SDK2: variants seen among roughly 807,000 people sequenced by gnomAD.
SDK2 encodes protein sidekick-2.
Under a neutral mutation model 253.9 loss-of-function variants are expected in SDK2, and 105 were observed. The ratio of observed to expected loss-of-function variants is 0.41; its 90% CI spans 0.35 to 0.49. The LOEUF is 0.49. Ranked by LOEUF, SDK2 falls within the 20% of genes least tolerant of loss-of-function variation. The probability of loss-of-function intolerance (pLI) is 0.06; values close to 1 mark genes in which losing one functional copy is unlikely to be tolerated. For synonymous variants in SDK2, 1,249 were observed against 1,234.9 expected, an observed-to-expected ratio of 1.01 and a Z score of -0.24; for missense variants, 2,608 against 3,003.0, an observed-to-expected ratio of 0.87 and a Z score of 3.07.
rs143950228 is a variant in SDK2, at chr17:73,401,131, G to A, written c.2860C>T (p.Arg954Cys). ...HYLPNVTLEY[R>C]VTGLTALTTY... The stretch of plus-strand genomic sequence containing the variant: ...GTGAGCGCGGTGAGGCCCGTGACAC[G>A]GTACTCCAGGGTCACGTTGGGCAGG... Residue 954 changes from arginine to cysteine, a missense_variant, in exon 21 of 45, where the codon CGT (arginine) becomes TGT (cysteine). Transcript: ENST00000392650. 6.7e-5 allele frequency: 104 copies of A among 1,561,466 alleles called. No homozygotes were observed. The highest frequency in any genetic ancestry group is 5.7e-4 in the African/African-American group (42 of 73,630).
At position 73,361,588 on chromosome 17, in the gene SDK2, C is replaced by G; in HGVS notation, c.5467+96G>C. ...GTGAGCTCTGTCCTCCACTCTGTTTCCAGGGTCCAGCACAGCTCTTGACAC... is the reference window on the plus strand; with the variant it reads ...GTGAGCTCTGTCCTCCACTCTGTTTGCAGGGTCCAGCACAGCTCTTGACAC... On this transcript the variant is annotated intron_variant, in intron 39 of 44. Transcript: ENST00000392650. The surrounding 1 kb of genome is among the most constrained non-coding windows in gnomAD (Gnocchi z 4.1). The G allele has an allele frequency of 7.8e-7, 1 of 1,281,584 alleles. No homozygotes were observed. The highest frequency in any genetic ancestry group is 1.1e-6 in the Non-Finnish European group (1 of 918,596). 79.4% of individuals were successfully genotyped at this position (1,281,584 alleles called of 1,614,324 possible). A position where few individuals can be genotyped will look rare whatever the true frequency, so the allele number is the denominator to read the frequency against.
rs938880078 is a variant in SDK2, at chr17:73,379,334, C to T, written c.4865-42G>A. 5.8e-6 allele frequency: 6 copies of T among 1,028,940 alleles called. No homozygotes were observed. In the African/African-American group the frequency reaches 6.6e-5, roughly 11 times the overall value. The allele number at this position is 1,028,940 out of a possible 1,614,324, so 63.7% of individuals were successfully genotyped here. On this transcript the variant is annotated intron_variant, in intron 35 of 44. Coordinates refer to ENST00000392650, the MANE Select transcript of SDK2 (RefSeq NM_001144952.2). This position sits in a 1 kb window ranked among gnomAD's most constrained non-coding sequence, Gnocchi z 4.5. The stretch of plus-strand genomic sequence containing the variant: ...GTAGGCAGTGAGCATGCGAGTAAAC[C>T]TGGGAGGGGAGGTGGGCTGGGCGGG...
Position 73,394,314 on chromosome 17 carries a change from G to T in SDK2, c.3603C>A (p.Ser1201=). 6.3e-7 allele frequency: 1 copy of T among 1,580,086 alleles called. No individual in the cohort carries two copies. Among genetic ancestry groups the T allele is most frequent in the Non-Finnish European group, 8.6e-7 (1 of 1,159,524 alleles). The change falls in exon 26 of 45, where the codon TCC becomes TCA. Residue 1201 remains serine, a synonymous_variant. Transcript: ENST00000392650. ...VGRTRESVPS[S]GPTNVSALAT... The stretch of plus-strand genomic sequence containing the variant: ...CCAGTGCAGACACATTGGTGGGGCC[G>T]GAAGAGGGAACTGTGGGGGAAAGGG...
At position 73,443,432 on chromosome 17, in the gene SDK2, G is replaced by A. The variant is rs534079496; in HGVS notation, c.614-2509C>T. The stretch of plus-strand genomic sequence containing the variant: ...TAAGTTGTTTATTACATGCGGGGGC[G>A]CGCAGGTACCACGGCTCAGATTAAT... On this transcript the variant is annotated intron_variant, in intron 5 of 44. Transcript: ENST00000392650. This position sits in a 1 kb window ranked among gnomAD's most constrained non-coding sequence, Gnocchi z 4.6. 5.9e-5 allele frequency among the ~76,000 whole-genome samples: 9 copies of A among 152,312 alleles called. No homozygotes were observed. In the Middle Eastern group the frequency reaches 0.01, roughly 173 times the overall value.
chr17:73,444,491 C>T (rs903785754), intron 5 of SDK2, among the ~76,000 whole-genome samples: 4 of 152,168 alleles, frequency 2.6e-5, no homozygotes, highest in African/African-American at 4.8e-5. Context: ...AGGAAGTGTA[C>T]GGGGCTCCCC....
chr17:73,637,665 G>T (rs8070636), intron 1 of SDK2, among the ~76,000 whole-genome samples: 1 of 152,206 alleles, frequency 6.6e-6, no homozygotes, highest in Non-Finnish European at 1.5e-5. Flanking sequence ...ATGAGCCACC[G>T]CGCCTGGAGG....
In SDK2 at chr17:73,643,957, T is replaced by TGCCCCCCCCCCC; in HGVS notation, c.64+67_64+68insGGGGGGGGGGGC. On this transcript the variant is annotated intron_variant, in intron 1 of 44. Transcript: ENST00000392650. The surrounding 1 kb of genome is among the most constrained non-coding windows in gnomAD (Gnocchi z 6.9). ...GGAGGTCACCGTGAGGCCGGCCAGC[T>TGCCCCCCCCCCC]CCCGCCGCCCCTCCCCCGCCCACTC... The TGCCCCCCCCCCC allele has an allele frequency of 2.0e-6, 2 of 1,019,994 alleles. No individual in the cohort carries two copies. The highest frequency in any genetic ancestry group is 3.0e-6 in the Non-Finnish European group (2 of 674,880). The allele number at this position is 1,019,994 out of a possible 1,614,324, so 63.2% of individuals were successfully genotyped here.
At position 73,643,966 on chromosome 17, in the gene SDK2, C is replaced by A; in HGVS notation, c.64+59G>T. 1.2e-6 allele frequency: 1 copy of A among 868,716 alleles called. No individual in the cohort carries two copies. Among genetic ancestry groups the A allele is most frequent in the South Asian group, 1.4e-5 (1 of 69,080 alleles). The allele number at this position is 868,716 out of a possible 1,614,324, so 53.8% of individuals were successfully genotyped here. ...CGTGAGGCCGGCCAGCTCCCGCCGC[C>A]CCTCCCCCGCCCACTCTCCCAGCCC... On this transcript the variant is annotated intron_variant, in intron 1 of 44. Transcript: ENST00000392650. This position sits in a 1 kb window ranked among gnomAD's most constrained non-coding sequence, Gnocchi z 6.9.
intron 1 of SDK2, among the ~76,000 whole-genome samples, chr17:73,641,378 T>G (rs2046396316): frequency 2.6e-5 from 4 of 152,218 alleles, no homozygotes; most frequent in Non-Finnish European, 5.9e-5. Context: ...GCTAAGAGCC[T>G]TGCAGAAGGC....
chr17:73,368,381 C>G, intron 37 of SDK2, 26 bp downstream of exon 37: 1 of 1,463,160 alleles, frequency 6.8e-7, no homozygotes, highest in Non-Finnish European at 9.1e-7. Context: ...ACCTACCCCT[C>G]CCCTCCTCAG....
At chr17:73,369,868 T>A (rs967984513) in intron 36 of SDK2, among the ~76,000 whole-genome samples, 4 of 152,152 alleles carry the variant, frequency 2.6e-5, no homozygotes, top group African/African-American at 7.2e-5. Flanking sequence ...ATGGTCTAGA[T>A]CTCCTGACCT....
At chr17:73,368,110 G>C (rs2062700889) in intron 37 of SDK2, among the ~76,000 whole-genome samples, 1 of 152,148 alleles carries the variant, frequency 6.6e-6, no homozygotes, top group South Asian at 2.1e-4. Context: ...GCAGAAGTAG[G>C]CTGGCTGGGA....
At chr17:73,598,108 A>C (rs1038920937) in intron 1 of SDK2, among the ~76,000 whole-genome samples, 1 of 150,866 alleles carries the variant, frequency 6.6e-6, no homozygotes, top group African/African-American at 2.4e-5. Context: ...TTTCCATCCC[A>C]TCTCCCCAGG....
At chr17:73,531,242 C>T (rs1351330209) in intron 1 of SDK2, among the ~76,000 whole-genome samples, 1 of 152,232 alleles carries the variant, frequency 6.6e-6, no homozygotes, top group East Asian at 1.9e-4. Flanking sequence ...TGACCTCCAA[C>T]ATGCTCAAAA....
intron 1 of SDK2, among the ~76,000 whole-genome samples, chr17:73,575,673 C>A (rs2145874351): frequency 6.6e-6 from 1 of 152,336 alleles, no homozygotes; most frequent in East Asian, 1.9e-4. Flanking sequence ...TTGCGTCTGG[C>A]ACTTGGCAAG....
chr17:73,439,386 G>A (rs1404744230), intron 6 of SDK2, among the ~76,000 whole-genome samples: 3 of 152,146 alleles, frequency 2.0e-5, no homozygotes, highest in African/African-American at 7.2e-5. Context: ...AACTTGGGAT[G>A]GGAGGAGCAT....
intron 36 of SDK2, among the ~76,000 whole-genome samples, chr17:73,377,282 G>A (rs1358790255): frequency 2.7e-5 from 4 of 149,522 alleles, no homozygotes; most frequent in African/African-American, 5.0e-5. Flanking sequence ...GCAGTGACAC[G>A]GTCTTGGCTC....
At position 73,379,187 on chromosome 17, in the gene SDK2, T is replaced by C; in HGVS notation, c.4970A>G (p.Gln1657Arg). 1 of 1,556,690 alleles carries C rather than the reference T, an allele frequency of 6.4e-7. No homozygotes were observed. The highest frequency in any genetic ancestry group is 8.7e-7 in the Non-Finnish European group (1 of 1,149,514). ...CCGAGGGCACCCTACCTTGTACCCC[T>C]GGATGTCTCCATTCTGGCTGTCCAG... ...PPLDSQNGDI[Q>R]GYKIYFWEAQ... The change falls in exon 36 of 45, where the codon CAG (glutamine) becomes CGG (arginine). Residue 1657 changes from glutamine (Q) to arginine (R), a missense_variant. Coordinates refer to ENST00000392650, the MANE Select transcript of SDK2 (RefSeq NM_001144952.2). This position sits in a 1 kb window ranked among gnomAD's most constrained non-coding sequence, Gnocchi z 4.5.
chr17:73,482,806 C>T (rs1019697694), intron 2 of SDK2, among the ~76,000 whole-genome samples: 1 of 152,258 alleles, frequency 6.6e-6, no homozygotes, highest in African/African-American at 2.4e-5. Context: ...GCTACTCCTC[C>T]TGGGTGAGCG....
Sources: allele counts gnomAD v4.1 joint callset (sites outside exome capture counted in the v4.1 genomes callset), GRCh38; gene constraint gnomAD v4.1.1; non-coding constraint Gnocchi (gnomAD v3.1); transcripts MANE v1.5; gene names NCBI Gene and HGNC (gene_info 2026-07-23, HGNC 2026-07-21).